The following MINDY2 variants were observed in gnomAD, a reference collection of about 807,000 sequenced individuals.
MINDY2 encodes MINDY lysine 48 deubiquitinase 2.
Under a neutral mutation model 68.2 loss-of-function variants are expected in MINDY2, and 52 were observed. That is an observed-to-expected ratio of 0.76 (90% confidence interval 0.61 to 0.96). MINDY2 has a LOEUF of 0.96. Among genes scored for constraint, MINDY2 ranks in the 40% least tolerant of loss-of-function variants. The pLI, the probability that MINDY2 is intolerant of heterozygous loss-of-function variation, is 0.00. For missense variants in MINDY2, 881 were observed against 773.4 expected, an observed-to-expected ratio of 1.14 and a Z score of -1.65; for synonymous variants, 372 against 303.0, an observed-to-expected ratio of 1.23 and a Z score of -2.36.
chr15:58,802,318 T>C lies in MINDY2; in HGVS notation c.904T>C (p.Tyr302His). Residue 302 changes from tyrosine (Y) to histidine (H), a missense_variant, in exon 3 of 9, where the codon TAC (tyrosine) becomes CAC (histidine). By Grantham distance (83) the Tyr-to-His change is moderately conservative. Coordinates refer to ENST00000559228, the MANE Select transcript of MINDY2 (RefSeq NM_001040450.3). ...AEQLMEYLGD[Y>H]MLDAKPKEIS... ...TTCTTTTTTTTTTTTTACAGGAGAT[T>C]ACATGCTTGATGCAAAGCCAAAAGA... The C allele has an allele frequency of 1.9e-6, 3 of 1,579,864 alleles. No homozygotes were observed. The highest frequency in any genetic ancestry group is 2.6e-6 in the Non-Finnish European group (3 of 1,164,586).
At chr15:58,809,472 G>A (rs2030065936) in intron 3 of MINDY2, among the ~76,000 whole-genome samples, 1 of 151,406 alleles carries the variant, frequency 6.6e-6, no homozygotes, top group East Asian at 1.9e-4. Flanking sequence ...TTATTCATTT[G>A]TCAGTTGTAA....
At position 58,860,552 on chromosome 15, in the gene MINDY2, C is replaced by T. The variant is rs987805295; in HGVS notation, c.*5942C>T. 2.1e-5 allele frequency: 3 copies of T among 141,084 alleles called. No individual in the cohort carries two copies. The highest frequency in any genetic ancestry group is 4.1e-4 in the East Asian group (2 of 4,876). The allele number at this position is 141,084 out of a possible 1,614,324, so 8.7% of individuals were successfully genotyped here. ...TTGCCCCACTGCACTCCAGCCTGGG[C>T]GACTGAGCGAGACTCTTATATCTCA... On this transcript the variant is annotated 3_prime_UTR_variant, in exon 9 of 9. Transcript: ENST00000559228.
chr15:58,820,921 C>T, intron 4 of MINDY2, among the ~76,000 whole-genome samples: 1 of 151,028 alleles, frequency 6.6e-6, no homozygotes. Context: ...CTTACTTATA[C>T]AGCAATACAC....
rs183850194 is a variant in MINDY2, at chr15:58,814,285, T to G, written c.1122+3897T>G. ...GCTAATGATGCTGAACATCTTTTGATGTGCTTGTTTGCCATTTGCATATTC... is the reference window on the plus strand; with the variant it reads ...GCTAATGATGCTGAACATCTTTTGAGGTGCTTGTTTGCCATTTGCATATTC... On this transcript the variant is annotated intron_variant, in intron 4 of 8. Transcript: ENST00000559228. Among the ~76,000 whole-genome samples the G allele has an allele frequency of 4.6e-5, 7 of 152,324 alleles. No individual in the cohort carries two copies. The East Asian group carries it at 9.6e-4, about 21-fold the overall frequency.
At chr15:58,821,033 GCA>G (rs2031028590) in intron 4 of MINDY2, among the ~76,000 whole-genome samples, 1 of 151,364 alleles carries the variant, frequency 6.6e-6, no homozygotes, top group Non-Finnish European at 1.5e-5. Flanking sequence ...TATAGTCAAA[GCA>G]AAGTGTAATG....
chr15:58,783,013 G>A (rs992510745), intron 1 of MINDY2, among the ~76,000 whole-genome samples: 1 of 127,524 alleles, frequency 7.8e-6, no homozygotes, highest in Non-Finnish European at 1.6e-5. Flanking sequence ...TTTGTCTTCT[G>A]GGCCCAAGTG....
At chr15:58,849,491 C>G (rs1269959147) in intron 7 of MINDY2, among the ~76,000 whole-genome samples, 1 of 151,962 alleles carries the variant, frequency 6.6e-6, no homozygotes, top group African/African-American at 2.4e-5. Context: ...GACGACAGAG[C>G]AAGACTCCGT....
chr15:58,823,787 A>G (rs1335533947), intron 5 of MINDY2, among the ~76,000 whole-genome samples: 1 of 152,222 alleles, frequency 6.6e-6, no homozygotes, highest in East Asian at 1.9e-4. Context: ...GAAAGAAGCA[A>G]TAAAAACTAT....
intron 8 of MINDY2, among the ~76,000 whole-genome samples, chr15:58,852,922 G>GTTTTTGTTTTTTTTTTT (rs2032893601): frequency 2.0e-5 from 1 of 48,930 alleles, no homozygotes; most frequent in Non-Finnish European, 4.0e-5. Context: ...TGCTGTTCCT[G>GTTTTTGTTTTTTTTTTT]TTTTTTTTTT....
chr15:58,795,616 G>C (rs1902231107), intron 2 of MINDY2, among the ~76,000 whole-genome samples: 2 of 152,076 alleles, frequency 1.3e-5, no homozygotes, highest in African/African-American at 4.8e-5. Context: ...GTGTTAGCCA[G>C]GATGGTCTCG....
intron 5 of MINDY2, among the ~76,000 whole-genome samples, chr15:58,831,121 A>AT (rs2141019668): frequency 6.6e-6 from 1 of 151,472 alleles, no homozygotes; most frequent in East Asian, 1.9e-4. Context: ...AACAAAAGCC[A>AT]TAATATCTAT....
intron 2 of MINDY2, among the ~76,000 whole-genome samples, chr15:58,798,614 C>A (rs1444615973): frequency 1.3e-5 from 2 of 152,072 alleles, no homozygotes; most frequent in African/African-American, 4.8e-5. Context: ...TGCCACCACA[C>A]CCAGCTAATT....
chr15:58,796,845 T>C (rs1289561454), intron 2 of MINDY2, among the ~76,000 whole-genome samples: 1 of 152,206 alleles, frequency 6.6e-6, no homozygotes, highest in African/African-American at 2.4e-5. Flanking sequence ...CTATATATAA[T>C]TTAAGTAATG....
chr15:58,814,173 C>G (rs1395617725), intron 4 of MINDY2, among the ~76,000 whole-genome samples: 1 of 152,130 alleles, frequency 6.6e-6, no homozygotes, highest in East Asian at 1.9e-4. Flanking sequence ...CTCCTGACTT[C>G]AGGTGATCCA....
intron 3 of MINDY2, among the ~76,000 whole-genome samples, chr15:58,805,165 T>G (rs1403659412): frequency 6.6e-6 from 1 of 152,224 alleles, no homozygotes; most frequent in Non-Finnish European, 1.5e-5. Context: ...AAAAGTACCC[T>G]GCTTTTAAAA....
At chr15:58,798,605 G>C (rs1902440517) in intron 2 of MINDY2, among the ~76,000 whole-genome samples, 1 of 151,964 alleles carries the variant, frequency 6.6e-6, no homozygotes, top group Non-Finnish European at 1.5e-5. Context: ...ACAAGCGCCT[G>C]CCACCACACC....
chr15:58,835,846 A>G (rs1183484000), intron 6 of MINDY2, among the ~76,000 whole-genome samples: 4 of 152,122 alleles, frequency 2.6e-5, no homozygotes, highest in Non-Finnish European at 5.9e-5. Flanking sequence ...AGTAAAAGGA[A>G]TGAAGAAAGG....
intron 4 of MINDY2, among the ~76,000 whole-genome samples, chr15:58,811,790 G>A (rs2030289918): frequency 6.6e-6 from 1 of 152,148 alleles, no homozygotes; most frequent in Non-Finnish European, 1.5e-5. Flanking sequence ...CTCCCGAATA[G>A]AGAAGAAATG....
chr15:58,825,125 G>A (rs905463428), intron 5 of MINDY2, among the ~76,000 whole-genome samples: 2 of 152,122 alleles, frequency 1.3e-5, no homozygotes, highest in Non-Finnish European at 2.9e-5. Context: ...TTGGTCACAG[G>A]TGATAACTTT....
Sources: allele counts gnomAD v4.1 joint callset (sites outside exome capture counted in the v4.1 genomes callset), GRCh38; gene constraint gnomAD v4.1.1; transcripts MANE v1.5; gene names NCBI Gene and HGNC (gene_info 2026-07-23, HGNC 2026-07-21).